The following CAPN3 variants were observed in gnomAD, a reference collection of about 807,000 sequenced individuals.
CAPN3 encodes calpain 3.
Under a neutral mutation model 114.0 loss-of-function variants are expected in CAPN3, and 88 were observed. The observed-to-expected ratio is 0.77, with a 90% CI of 0.65 to 0.92. The LOEUF is 0.92. Ranked by LOEUF, CAPN3 falls within the 40% of genes least tolerant of loss-of-function variation. The pLI, the probability that CAPN3 is intolerant of heterozygous loss-of-function variation, is 0.00. For synonymous variants in CAPN3, 386 were observed against 382.9 expected, an observed-to-expected ratio of 1.01 and a Z score of -0.09; for missense variants, 1,028 against 1,069.0, an observed-to-expected ratio of 0.96 and a Z score of 0.53.
At position 42,392,731 on chromosome 15, in the gene CAPN3, G is replaced by A. The variant is rs2053593379; in HGVS notation, c.1029+9G>A. 1.2e-6 allele frequency: 2 copies of A among 1,608,776 alleles called. No individual in the cohort carries two copies. Among genetic ancestry groups the A allele is most frequent in the Non-Finnish European group, 1.7e-6 (2 of 1,175,576 alleles). ...TCACGGGGCTGGATGAGGTAAGCCT[G>A]GTGGGGCTTGGTGGGGCAAGGGCAC... On this transcript the variant is annotated intron_variant, in intron 7 of 23. Coordinates refer to ENST00000397163, the MANE Select transcript of CAPN3 (RefSeq NM_000070.3).
intron 6 of CAPN3, 35 bp from the exon 7 acceptor site, chr15:42,392,604 C>G: frequency 6.5e-7 from 1 of 1,539,802 alleles, no homozygotes; most frequent in South Asian, 1.1e-5. Context: ...TCTGTTCCCC[C>G]GCCCCTAATG....
intron 2 of CAPN3, chr15:42,385,800 CACAGG>C: frequency 1.9e-6 from 1 of 535,450 alleles, no homozygotes; most frequent in African/African-American, 1.9e-5. Context: ...ATTGCAAAGG[CACAGG>C]GCAGGGCAGA....
chr15:42,384,668 A>G, intron 2 of CAPN3, 116 bp downstream of exon 2: 2 of 795,744 alleles, frequency 2.5e-6, no homozygotes, highest in Non-Finnish European at 4.4e-6. Context: ...ACTTTTTGGA[A>G]GATTTTTTAT....
In CAPN3 at chr15:42,401,734, C is replaced by A. The variant is rs781723572; in HGVS notation, c.1448C>A (p.Ala483Asp). The stretch of plus-strand genomic sequence containing the variant: ...GAGGTGATTTGCAGCTTCCTGGTGG[C>A]CCTGATGCAGAAGAACCGGCGGAAG... ...DSEVICSFLV[A>D]LMQKNRRKDR... Residue 483 changes from alanine to aspartate, a missense_variant, in exon 11 of 24, where the codon GCC becomes GAC. Coordinates refer to ENST00000397163, the MANE Select transcript of CAPN3 (RefSeq NM_000070.3). 2.5e-6 allele frequency: 4 copies of A among 1,613,856 alleles called. No homozygotes were observed. The highest frequency in any genetic ancestry group is 3.4e-6 in the Non-Finnish European group (4 of 1,179,972).
intron 23 of CAPN3, 132 bp downstream of exon 23, chr15:42,411,477 T>G: frequency 1.1e-6 from 1 of 918,212 alleles, no homozygotes; most frequent in South Asian, 1.3e-5. Flanking sequence ...GAACAGAACA[T>G]GGAGGGAGGC....
In CAPN3 at chr15:42,402,120, C is replaced by T. The variant is rs2053889875; in HGVS notation, c.1525-4C>T. 6.2e-7 allele frequency: 1 copy of T among 1,613,976 alleles called. No individual in the cohort carries two copies. Among genetic ancestry groups the T allele is most frequent in the African/African-American group, 1.3e-5 (1 of 74,910 alleles). On this transcript the variant is annotated splice_region_variant and splice_polypyrimidine_tract_variant and intron_variant, in intron 11 of 23. Coordinates refer to ENST00000397163, the MANE Select transcript of CAPN3 (RefSeq NM_000070.3). Reference sequence around the variant, plus strand: ...AAGCATCTTCCTTTCTGTTTCTTCTCAAGGTTCCCAAAGAGGTATAGCAGC... The same window carrying T: ...AAGCATCTTCCTTTCTGTTTCTTCTTAAGGTTCCCAAAGAGGTATAGCAGC...
At chr15:42,399,089 A>G (rs2053790788) in intron 9 of CAPN3, among the ~76,000 whole-genome samples, 1 of 152,058 alleles carries the variant, frequency 6.6e-6, no homozygotes, top group Non-Finnish European at 1.5e-5. Flanking sequence ...CCTGGTGAGC[A>G]CTAGAGCTTA....
chr15:42,380,633 GTA>G (rs374907030), intron 1 of CAPN3, among the ~76,000 whole-genome samples: 6,816 of 141,664 alleles, frequency 0.048, 504 homozygotes, highest in African/African-American at 0.16. Flanking sequence ...ATATGTGTGT[GTA>G]TATATATATA....
At chr15:42,397,300 A>G (rs1275109800) in intron 9 of CAPN3, among the ~76,000 whole-genome samples, 2 of 152,126 alleles carry the variant, frequency 1.3e-5, no homozygotes, top group African/African-American at 2.4e-5. Flanking sequence ...AGAGCCCCCT[A>G]AGTTCCCCGA....
chr15:42,375,344 G>T (rs2053061708), intron 1 of CAPN3, among the ~76,000 whole-genome samples: 1 of 152,108 alleles, frequency 6.6e-6, no homozygotes, highest in African/African-American at 2.4e-5. Flanking sequence ...TGTTTAAACA[G>T]AAAGGTCCGT....
chr15:42,398,590 TAC>T (rs376966106), intron 9 of CAPN3, among the ~76,000 whole-genome samples: 16,316 of 120,044 alleles, frequency 0.14, 1,019 homozygotes, highest in Middle Eastern at 0.18. Context: ...TCTCAAAAAA[TAC>T]ACACACACAC....
At chr15:42,367,626 A>G (rs1198943241) in intron 1 of CAPN3, among the ~76,000 whole-genome samples, 1 of 152,204 alleles carries the variant, frequency 6.6e-6, no homozygotes, top group Non-Finnish European at 1.5e-5. Context: ...TTCCTGATAT[A>G]AAGGTTTTAA....
intron 8 of CAPN3, among the ~76,000 whole-genome samples, chr15:42,394,990 C>T (rs1009594714): frequency 2.0e-5 from 3 of 152,176 alleles, no homozygotes; most frequent in East Asian, 1.9e-4. Flanking sequence ...GAGCCATAAG[C>T]GCCTCTTATT....
intron 7 of CAPN3, 127 bp from the exon 8 acceptor site, chr15:42,394,129 C>A: frequency 2.3e-6 from 2 of 876,788 alleles, no homozygotes; most frequent in Non-Finnish European, 3.7e-6. Context: ...ATCTCCTTGG[C>A]CAGAGCCAGG....
intron 16 of CAPN3, chr15:42,408,546 C>T: frequency 1.9e-6 from 1 of 529,570 alleles, no homozygotes. Context: ...AGTGGACTGG[C>T]AGGCTGAGCC....
At chr15:42,369,863 T>C (rs887081299) in intron 1 of CAPN3, among the ~76,000 whole-genome samples, 16 of 142,308 alleles carry the variant, frequency 1.1e-4, no homozygotes, top group Non-Finnish European at 2.1e-4. Flanking sequence ...ACTTTCTTTC[T>C]TTCTTTCTTT....
chr15:42,409,376 G>A lies in CAPN3; in HGVS notation c.1988G>A (p.Gly663Glu), dbSNP rs2054132063. Reference protein sequence around the residue: ...QFRNIFKQIAGDDMEICADEL... With the variant: ...QFRNIFKQIAEDDMEICADEL... The stretch of plus-strand genomic sequence containing the variant: ...CGGAACATTTTCAAGCAGATAGCAG[G>A]AGATGTGAGTACCTCCAAGCCCAGG... Residue 663 changes from glycine (G) to glutamate (E), a missense_variant, in exon 17 of 24, where the codon GGA becomes GAA. Transcript: ENST00000397163. The A allele has an allele frequency of 1.9e-6, 3 of 1,613,808 alleles. No homozygotes were observed. The highest frequency in any genetic ancestry group is 2.7e-5 in the African/African-American group (2 of 74,898).
Position 42,359,731 on chromosome 15 carries a change from G to T in CAPN3, c.-75G>T. On this transcript the variant is annotated 5_prime_UTR_variant, in exon 1 of 24. Coordinates refer to ENST00000397163, the MANE Select transcript of CAPN3 (RefSeq NM_000070.3). ...ACAGAATTACTCCAACTTCCCCTTT[G>T]CAGTTGCTTCCTTTCCTTGAAGGTA... 8 of 1,605,878 alleles carry T rather than the reference G, an allele frequency of 5.0e-6. No individual in the cohort carries two copies. Among genetic ancestry groups the T allele is most frequent in the Non-Finnish European group, 6.8e-6 (8 of 1,177,908 alleles).
intron 12 of CAPN3, chr15:42,402,555 T>A (rs2053902750): frequency 6.8e-7 from 1 of 1,466,554 alleles, no homozygotes; most frequent in Non-Finnish European, 9.0e-7. Flanking sequence ...GAGCAGCTGT[T>A]CTGGTAAGTG....
Sources: gnomAD v4.1 joint callset for allele counts (sites outside exome capture counted in the v4.1 genomes callset) on GRCh38, gnomAD v4.1.1 for gene constraint, MANE v1.5 for transcripts, NCBI Gene and HGNC (gene_info 2026-07-23, HGNC 2026-07-21) for gene names.